Variants in BRD8 observed in about 807,000 individuals in gnomAD.
BRD8 encodes the protein bromodomain-containing protein 8.
Under a neutral mutation model 143.1 loss-of-function variants are expected in BRD8, and 67 were observed. The observed-to-expected ratio is 0.47, with a 90% CI of 0.38 to 0.57. The LOEUF is 0.57. Among genes scored for constraint, BRD8 ranks in the 20% least tolerant of loss-of-function variants. The pLI is 0.00. For missense variants in BRD8, 1,103 were observed against 1,503.0 expected (o/e 0.73, Z 4.40); for synonymous variants, 505 against 517.1 (o/e 0.98, Z 0.32).
intron 17 of BRD8, chr5:138,161,342 T>C: frequency 3.1e-6 from 1 of 325,910 alleles, no homozygotes. Context: ...GGCACAATCA[T>C]GGTTCACTGC....
In BRD8 at chr5:138,149,628, G is replaced by A. The variant is rs1293093777; in HGVS notation, c.3278+12C>T. On this transcript the variant is annotated intron_variant, in intron 23 of 26. Transcript: ENST00000254900. ...CGAATCTTAACAAACTTGGATGAAA[G>A]TCTACGCTTACAGCTTTGAGGAGGT... 1.3e-6 allele frequency: 2 copies of A among 1,578,424 alleles called. No individual in the cohort carries two copies. Among genetic ancestry groups the A allele is most frequent in the Non-Finnish European group, 1.7e-6 (2 of 1,165,572 alleles).
rs755569153 is a variant in BRD8, at chr5:138,162,159, T to C, written c.2088-13A>G. On this transcript the variant is annotated splice_polypyrimidine_tract_variant and intron_variant, in intron 15 of 26. Coordinates refer to ENST00000254900, the MANE Select transcript of BRD8 (RefSeq NM_139199.2). ...ACTACAGACAGAGCTGAAACAGAGA[T>C]ACAGCAATTCCACTAGGCACAAGTT... The C allele has an allele frequency of 1.3e-6, 2 of 1,575,108 alleles. No homozygotes were observed. The highest frequency in any genetic ancestry group is 2.3e-5 in the South Asian group (2 of 86,384).
intron 20 of BRD8, among the ~76,000 whole-genome samples, chr5:138,155,427 C>T (rs1191181922): frequency 1.4e-5 from 2 of 142,558 alleles, no homozygotes; most frequent in South Asian, 4.4e-4. Flanking sequence ...CCAGCCTGGG[C>T]AACGAGAGTG....
At chr5:138,143,364 A>G (rs966922789) in intron 25 of BRD8, among the ~76,000 whole-genome samples, 1 of 152,186 alleles carries the variant, frequency 6.6e-6, no homozygotes, top group Non-Finnish European at 1.5e-5. Flanking sequence ...CTGTAGTCCC[A>G]GCTACTCCGG....
At chr5:138,159,687 C>T (rs1752853499) in intron 19 of BRD8, 88 bp from the exon 20 acceptor site, 2 of 1,321,582 alleles carry the variant, frequency 1.5e-6, no homozygotes, top group Non-Finnish European at 2.2e-6. Flanking sequence ...ACACAAGCAC[C>T]ACACACACAA....
Position 138,157,463 on chromosome 5 carries a change from T to G in BRD8, c.2577+2092A>C, listed in dbSNP as rs1222049462. Among the ~76,000 whole-genome samples, 4 of 152,086 alleles carry G rather than the reference T, an allele frequency of 2.6e-5. No individual in the cohort carries two copies. In the East Asian group the frequency reaches 7.7e-4, roughly 29 times the overall value. ...ACCTGGTAGTTTGTGAGAGGAAATG[T>G]AGGATGGAATATCTTGCTCATGCCC... On this transcript the variant is annotated intron_variant, in intron 20 of 26. Coordinates refer to ENST00000254900, the MANE Select transcript of BRD8 (RefSeq NM_139199.2).
Position 138,166,618 on chromosome 5 carries a change from G to C in BRD8, c.897C>G (p.Pro299=). ...TAGCTTGGGACACAGACTCTACAGG[G>C]GGTGGCACAAGTTTAACTGGAGGCT... is the stretch of plus-strand genomic sequence containing the variant. ...ASEPPVKLVP[P]PVESVSQATI... The change falls in exon 10 of 27, where the codon CCC becomes CCG. Residue 299 remains proline, a synonymous_variant. Coordinates refer to ENST00000254900, the MANE Select transcript of BRD8 (RefSeq NM_139199.2). 6.2e-7 allele frequency: 1 copy of C among 1,613,354 alleles called. No homozygotes were observed. The highest frequency in any genetic ancestry group is 8.5e-7 in the Non-Finnish European group (1 of 1,179,306).
chr5:138,148,518 C>T lies in BRD8; in HGVS notation c.3278+1122G>A, dbSNP rs558443581. Among the ~76,000 whole-genome samples the T allele has an allele frequency of 2.6e-5, 4 of 152,052 alleles. No individual in the cohort carries two copies. In the East Asian group the frequency reaches 7.8e-4, roughly 29 times the overall value. ...GTGTAGCTAGGACTACAGGTGCATG[C>T]CCCCACACCCAATAAATTTTGTTTA... On this transcript the variant is annotated intron_variant, in intron 23 of 26. Coordinates refer to ENST00000254900, the MANE Select transcript of BRD8 (RefSeq NM_139199.2).
chr5:138,151,091 C>A, intron 21 of BRD8, 83 bp from the exon 22 acceptor site: 2 of 1,492,590 alleles, frequency 1.3e-6, no homozygotes, highest in Admixed American at 2.0e-5. Flanking sequence ...CATGCTAACA[C>A]TGTCACAGTG....
chr5:138,167,886 G>T (rs772515257), intron 9 of BRD8, 48 bp downstream of exon 9: 11 of 1,558,802 alleles, frequency 7.1e-6, no homozygotes, highest in Non-Finnish European at 8.9e-6. Flanking sequence ...GTCAGTCAAT[G>T]TCAAGTTCAA....
chr5:138,140,589 G>T, intron 26 of BRD8, 116 bp downstream of exon 26: 1 of 1,204,554 alleles, frequency 8.3e-7, no homozygotes, highest in Non-Finnish European at 1.2e-6. Context: ...ATCCTTCAGG[G>T]CCTTAATCAC....
chr5:138,160,833 C>A, intron 18 of BRD8, 58 bp downstream of exon 18: 1 of 1,465,768 alleles, frequency 6.8e-7, no homozygotes, highest in Non-Finnish European at 9.1e-7. Flanking sequence ...AATATGAATC[C>A]TCCCCTTGAA....
At chr5:138,147,011 C>T (rs1357678521) in intron 23 of BRD8, among the ~76,000 whole-genome samples, 3 of 150,274 alleles carry the variant, frequency 2.0e-5, no homozygotes, top group African/African-American at 7.3e-5. Context: ...TTGCAGATTT[C>T]CTGCTGTTTG....
chr5:138,170,950 T>C (rs769984236), intron 5 of BRD8, 38 bp from the exon 6 acceptor site: 1 of 1,612,896 alleles, frequency 6.2e-7, no homozygotes, highest in Non-Finnish European at 8.5e-7. Flanking sequence ...CTGGGTTTTT[T>C]AATCTGCTAT....
In BRD8 at chr5:138,166,653, C is replaced by T. The variant is rs199753609; in HGVS notation, c.862G>A (p.Val288Ile). The T allele has an allele frequency of 1.9e-6, 3 of 1,613,876 alleles. No individual in the cohort carries two copies. ...AGTTTAACTGGAGGCTCACTGGCAACAGTAGTGAAGGAAGCAAGAGGTGTG... is the reference window on the plus strand; with the variant it reads ...AGTTTAACTGGAGGCTCACTGGCAATAGTAGTGAAGGAAGCAAGAGGTGTG... ...FTTPLASFTT[V>I]ASEPPVKLVP... Residue 288 changes from valine to isoleucine, a missense_variant, in exon 10 of 27, where the codon GTT becomes ATT. This residue lies in a region of BRD8 where 334 missense variants were observed against 372.5 expected (regional missense o/e 0.90). Transcript: ENST00000254900.
At chr5:138,161,399 C>T (rs1004390771) in intron 17 of BRD8, among the ~76,000 whole-genome samples, 17 of 152,130 alleles carry the variant, frequency 1.1e-4, no homozygotes, top group African/African-American at 3.4e-4. Context: ...ACTGCAGCCT[C>T]GAACTTCCAG....
intron 2 of BRD8, among the ~76,000 whole-genome samples, chr5:138,174,355 G>A (rs1431730461): frequency 6.6e-6 from 1 of 152,160 alleles, no homozygotes; most frequent in Non-Finnish European, 1.5e-5. Context: ...GGCACTTTGG[G>A]AGGCCGAGGC....
In BRD8 at chr5:138,167,998, G is replaced by A. The variant is rs1753576311; in HGVS notation, c.723C>T (p.Pro241=). Residue 241 remains proline (P), a synonymous_variant, in exon 9 of 27, where the codon CCC becomes CCT. Transcript: ENST00000254900. ...GCTGTATCTCCCCACCATGTATCAT[G>A]GGAAGGACCCCGCCTACCTCCAGGA... ...GVLLEVGGVL[P]MIHGGEIQQT... The A allele has an allele frequency of 1.9e-6, 3 of 1,613,226 alleles. No homozygotes were observed. Among genetic ancestry groups the A allele is most frequent in the Middle Eastern group, 1.7e-4 (1 of 6,060 alleles).
rs977143377 is a variant in BRD8, at chr5:138,140,000, T to A, written c.*74A>T. The stretch of plus-strand genomic sequence containing the variant: ...AGAAAATGAGGACATGGCAAAGAAG[T>A]ACCAGGATCCTCTCTAGGTCAGAGT... On this transcript the variant is annotated 3_prime_UTR_variant, in exon 27 of 27. Coordinates refer to ENST00000254900, the MANE Select transcript of BRD8 (RefSeq NM_139199.2). 4 of 1,188,530 alleles carry A rather than the reference T, an allele frequency of 3.4e-6. No individual in the cohort carries two copies. The African/African-American group carries it at 6.0e-5, about 18-fold the overall frequency. 73.6% of individuals were successfully genotyped at this position (1,188,530 alleles called of 1,614,324 possible).
Sources: gnomAD v4.1 joint callset for allele counts (sites outside exome capture counted in the v4.1 genomes callset) on GRCh38, gnomAD v4.1.1 for gene constraint, gnomAD v4.1.1 regional missense constraint, MANE v1.5 for transcripts, NCBI Gene and HGNC (gene_info 2026-07-23, HGNC 2026-07-21) for gene names.